GRK4: variants seen among roughly 807,000 people sequenced by gnomAD.
The protein encoded by GRK4 is G protein-coupled receptor kinase 2-like.
A neutral mutation model predicts 77.9 loss-of-function variants in GRK4; 73 were observed. The ratio of observed to expected loss-of-function variants is 0.94; its 90% CI spans 0.78 to 1.14. The LOEUF (loss-of-function observed/expected upper bound fraction) is 1.14. Ranked by LOEUF, GRK4 falls within the 50% of genes most tolerant of loss-of-function variation. The pLI, the probability that GRK4 is intolerant of heterozygous loss-of-function variation, is 0.00. For missense variants in GRK4, 729 were observed against 700.2 expected (o/e 1.04, Z -0.46); for synonymous variants, 257 against 254.4 (o/e 1.01, Z -0.10).
chr4:3,029,525 C>A, intron 12 of GRK4, 116 bp downstream of exon 12: 1 of 812,308 alleles, frequency 1.2e-6, no homozygotes, highest in African/African-American at 1.7e-5. Flanking sequence ...CCTGGTCACC[C>A]ACCTCCCAGG....
At chr4:2,984,399 G>T in intron 1 of GRK4, 114 bp from the exon 2 acceptor site, 1 of 534,458 alleles carries the variant, frequency 1.9e-6, no homozygotes, top group Admixed American at 3.2e-5. Context: ...TTTTATTCAT[G>T]ATAGGTACCC....
intron 4 of GRK4, among the ~76,000 whole-genome samples, chr4:3,001,194 T>TATAG (rs199755283): frequency 1.4e-5 from 1 of 69,896 alleles, no homozygotes; most frequent in East Asian, 2.6e-4. Context: ...TGTATATATA[T>TATAG]GTATATATGT....
intron 11 of GRK4, among the ~76,000 whole-genome samples, chr4:3,028,987 G>T (rs1453435460): frequency 6.6e-6 from 1 of 152,150 alleles, no homozygotes; most frequent in East Asian, 1.9e-4. Context: ...GTCCAGGCTG[G>T]TCTCAAACTC....
At chr4:2,966,773 G>C (rs1394346252) in intron 1 of GRK4, 1 of 152,190 alleles carries the variant, frequency 6.6e-6, no homozygotes, top group Admixed American at 6.5e-5. Context: ...CCTTTGAAAT[G>C]AATGAACGTA....
At chr4:3,007,887 C>CA (rs1731772249) in intron 6 of GRK4, 59 bp downstream of exon 6, 2 of 1,134,256 alleles carry the variant, frequency 1.8e-6, no homozygotes, top group African/African-American at 3.1e-5. Context: ...CCTGTAGTCC[C>CA]AGCTACTCAG....
chr4:3,003,922 C>T (rs1234582978), intron 4 of GRK4, among the ~76,000 whole-genome samples: 1 of 152,142 alleles, frequency 6.6e-6, no homozygotes, highest in East Asian at 1.9e-4. Flanking sequence ...CGGAGTTTCA[C>T]CATGTTGGCT....
In GRK4 at chr4:3,029,267, T is replaced by C. The variant is rs1409725999; in HGVS notation, c.1127T>C (p.Ile376Thr). 1.9e-6 allele frequency: 3 copies of C among 1,614,012 alleles called. No homozygotes were observed. Among genetic ancestry groups the C allele is most frequent in the Non-Finnish European group, 1.7e-6 (2 of 1,179,970 alleles). The change falls in exon 12 of 16, where the codon ATC (isoleucine) becomes ACC (threonine). Residue 376 changes from isoleucine to threonine, a missense_variant. Coordinates refer to ENST00000398052, the MANE Select transcript of GRK4 (RefSeq NM_182982.3). ...GATTGGTGGGGACTTGGCTGTCTGA[T>C]CTATGAAATGATTCAGGGACATTCT... ...SPDWWGLGCL[I>T]YEMIQGHSPF... is the part of the protein sequence containing the mutation.
chr4:3,005,698 G>C (rs766094146), intron 5 of GRK4, among the ~76,000 whole-genome samples: 2 of 152,082 alleles, frequency 1.3e-5, no homozygotes, highest in Non-Finnish European at 2.9e-5. Flanking sequence ...CAGCTACTCA[G>C]GAGGCTGAGG....
chr4:3,032,609 T>C (rs1216338392), intron 12 of GRK4, among the ~76,000 whole-genome samples: 1 of 152,050 alleles, frequency 6.6e-6, no homozygotes, highest in African/African-American at 2.4e-5. Flanking sequence ...GAGGGCTCTG[T>C]GTGAGAAGCT....
At chr4:2,983,258 A>G (rs548031714) in intron 1 of GRK4, among the ~76,000 whole-genome samples, 1 of 152,212 alleles carries the variant, frequency 6.6e-6, no homozygotes, top group Non-Finnish European at 1.5e-5. Context: ...GACAGAGCTC[A>G]TCGTGTTCCA....
At chr4:3,028,035 C>A in intron 11 of GRK4, 34 bp downstream of exon 11, 1 of 1,590,642 alleles carries the variant, frequency 6.3e-7, no homozygotes, top group Non-Finnish European at 8.6e-7. Flanking sequence ...CTTGTCCTTT[C>A]TATCCGGGTG....
chr4:3,030,270 C>T (rs191438849), intron 12 of GRK4, among the ~76,000 whole-genome samples: 1 of 152,126 alleles, frequency 6.6e-6, no homozygotes, highest in Non-Finnish European at 1.5e-5. Flanking sequence ...GCGGTGGAGA[C>T]CTGGTCCCTG....
At chr4:3,017,454 A>G (rs1406790736) in intron 8 of GRK4, among the ~76,000 whole-genome samples, 2 of 152,192 alleles carry the variant, frequency 1.3e-5, no homozygotes, top group African/African-American at 2.4e-5. Flanking sequence ...GCTGCCCACA[A>G]CAAGGCTGGC....
Position 3,037,471 on chromosome 4 carries a change from G to T in GRK4, c.1505G>T (p.Arg502Leu), listed in dbSNP as rs201392816. 1.9e-6 allele frequency: 3 copies of T among 1,610,544 alleles called. No individual in the cohort carries two copies. The highest frequency in any genetic ancestry group is 1.7e-6 in the Non-Finnish European group (2 of 1,177,034). The change falls in exon 14 of 16, where the codon CGG becomes CTG. Residue 502 changes from arginine (R) to leucine (L), a missense_variant. Arg to Leu is a moderately radical substitution (Grantham distance 102, BLOSUM62 -2). Transcript: ENST00000398052. ...LDTADEDFYA[R>L]FATGCVSIPW... ...ACCGCAGATGAAGACTTCTATGCTC[G>T]GTTTGCTACCGGGTGTGTCTCCATC...
chr4:2,982,766 G>A (rs1723195675), intron 1 of GRK4, among the ~76,000 whole-genome samples: 2 of 152,152 alleles, frequency 1.3e-5, no homozygotes, highest in Admixed American at 6.5e-5. Context: ...AGTGCCTACT[G>A]CTTCTCTGGA....
At chr4:3,016,684 A>G (rs1734625559) in intron 8 of GRK4, among the ~76,000 whole-genome samples, 1 of 151,098 alleles carries the variant, frequency 6.6e-6, no homozygotes, top group Non-Finnish European at 1.5e-5. Context: ...TGGGTGACAG[A>G]GTGAGATCCC....
intron 1 of GRK4, among the ~76,000 whole-genome samples, chr4:2,980,717 C>G (rs550341911): frequency 6.6e-6 from 1 of 152,172 alleles, no homozygotes; most frequent in Admixed American, 6.5e-5. Flanking sequence ...GAACACAAAC[C>G]CACTGGGGCT....
intron 8 of GRK4, among the ~76,000 whole-genome samples, chr4:3,017,422 C>G (rs1734869207): frequency 6.6e-6 from 1 of 152,192 alleles, no homozygotes; most frequent in Non-Finnish European, 1.5e-5. Flanking sequence ...CTCCTCAGGG[C>G]CATGCTCACC....
chr4:2,979,182 G>A lies in GRK4; in HGVS notation c.53-5331G>A, dbSNP rs559995123. ...GGAGCTTGCAGTGAGCCGAGATCGC[G>A]CCATTGCACTCCAGCCTGGGCAACA... On this transcript the variant is annotated intron_variant, in intron 1 of 15. Transcript: ENST00000398052. Among the ~76,000 whole-genome samples the A allele has an allele frequency of 2.2e-3, 336 of 150,870 alleles. 2 individuals carry two copies. The highest frequency in any genetic ancestry group is 7.8e-3 in the African/African-American group (320 of 40,996).
Sources: gnomAD v4.1 joint callset for allele counts (sites outside exome capture counted in the v4.1 genomes callset) on GRCh38, gnomAD v4.1.1 for gene constraint, MANE v1.5 for transcripts, NCBI Gene and HGNC (gene_info 2026-07-23, HGNC 2026-07-21) for gene names.